MATN2: variants seen among roughly 807,000 people sequenced by gnomAD.
MATN2 encodes matrilin-2.
MATN2 carries 69 observed loss-of-function variants against 103.2 expected under a neutral mutation model. The ratio of observed to expected loss-of-function variants is 0.67; its 90% confidence interval spans 0.55 to 0.82. MATN2 has a LOEUF of 0.82. Among genes scored for constraint, MATN2 ranks in the 40% least tolerant of loss-of-function variants. The pLI is 0.00. For missense variants in MATN2, 1,023 were observed against 1,211.5 expected (o/e 0.84, Z 2.31); for synonymous variants, 429 against 450.2 (o/e 0.95, Z 0.60).
Position 97,928,287 on chromosome 8 carries a change from C to T in MATN2, c.143-2666C>T, listed in dbSNP as rs190538519. On this transcript the variant is annotated intron_variant, in intron 2 of 18. Transcript: ENST00000254898. ...TGTCACCTGGGCTGGAGTGCAGTGG[C>T]GCCATCTCAGCTCACTGCAACCTCC... Among the ~76,000 whole-genome samples the T allele has an allele frequency of 1.0e-3, 146 of 142,566 alleles. 1 individual carries two copies. Among genetic ancestry groups the T allele is most frequent in the Non-Finnish European group, 1.7e-3 (116 of 66,908 alleles). The allele number at this position is 142,566 out of a possible 152,430, so 93.5% of individuals were successfully genotyped here. A position where few individuals can be genotyped will look rare whatever the true frequency, so the allele number is the denominator to read the frequency against.
At chr8:97,882,714 C>T (rs973595878) in intron 1 of MATN2, among the ~76,000 whole-genome samples, 3 of 152,154 alleles carry the variant, frequency 2.0e-5, no homozygotes, top group South Asian at 2.1e-4. Context: ...AGTTTCTTCA[C>T]ATCTTCACCA....
At chr8:97,926,663 A>G (rs892855150) in intron 2 of MATN2, among the ~76,000 whole-genome samples, 6 of 152,232 alleles carry the variant, frequency 3.9e-5, no homozygotes, top group Non-Finnish European at 1.5e-5. Flanking sequence ...CCATGAGTCA[A>G]ACTTCAGAAG....
chr8:97,990,934 G>A (rs937836947), intron 6 of MATN2, among the ~76,000 whole-genome samples: 4 of 152,140 alleles, frequency 2.6e-5, no homozygotes, highest in Admixed American at 6.5e-5. Flanking sequence ...TGATTGTGGC[G>A]ATGGTTTCAT....
chr8:97,912,461 A>G (rs944771597), intron 2 of MATN2, among the ~76,000 whole-genome samples: 2 of 152,236 alleles, frequency 1.3e-5, no homozygotes, highest in Non-Finnish European at 2.9e-5. Context: ...TCGTTGGCTC[A>G]ATAGTTTTCC....
At chr8:97,976,865 G>A (rs751601224) in intron 5 of MATN2, among the ~76,000 whole-genome samples, 24 of 151,962 alleles carry the variant, frequency 1.6e-4, no homozygotes, top group Non-Finnish European at 3.1e-4. Flanking sequence ...GTATTTACCA[G>A]GTGTATTAGT....
chr8:97,907,342 C>T (rs1451465239), intron 2 of MATN2, among the ~76,000 whole-genome samples: 8 of 137,322 alleles, frequency 5.8e-5, no homozygotes, highest in Non-Finnish European at 1.1e-4. Context: ...GATGGAGTCT[C>T]GCTCTTTCCT....
intron 3 of MATN2, among the ~76,000 whole-genome samples, chr8:97,933,517 G>GC (rs71271172): frequency 1.5e-5 from 2 of 137,816 alleles, no homozygotes; most frequent in African/African-American, 2.8e-5. Context: ...GGGACTGACC[G>GC]CCCCCCTCCC....
In MATN2 at chr8:98,005,147, C is replaced by T. The variant is rs1408007672; in HGVS notation, c.1327+1364C>T. On this transcript the variant is annotated intron_variant, in intron 8 of 18. Coordinates refer to ENST00000254898, the MANE Select transcript of MATN2 (RefSeq NM_002380.5). This position sits in a 1 kb window ranked among gnomAD's most constrained non-coding sequence, Gnocchi z 4.6. ...ATGAAATAAGAGGTCCAGGGCAGTC[C>T]TCAGGAAAGCGTGGCTCCTCCAGTG... 6.6e-6 allele frequency among the ~76,000 whole-genome samples: 1 copy of T among 152,214 alleles called. No homozygotes were observed. The highest frequency in any genetic ancestry group is 1.5e-5 in the Non-Finnish European group (1 of 68,044).
chr8:97,923,566 T>TC (rs869166813), intron 2 of MATN2, among the ~76,000 whole-genome samples: 4 of 19,122 alleles, frequency 2.1e-4, no homozygotes, highest in East Asian at 0.038. Context: ...TCTGTCTCTC[T>TC]TTTTTTTGAG....
intron 5 of MATN2, among the ~76,000 whole-genome samples, chr8:97,969,942 A>C (rs1305376550): frequency 6.6e-6 from 1 of 152,242 alleles, no homozygotes; most frequent in African/African-American, 2.4e-5. Flanking sequence ...GAAGTTAAGC[A>C]TGTCCAGCTG....
rs1814051409 is a variant in MATN2, at chr8:98,032,178, G to A, written c.2510-68G>A. On this transcript the variant is annotated intron_variant, in intron 15 of 18. Transcript: ENST00000254898. ...TAGGTAAGGAGGTGGTCTGGGACCA[G>A]CTTCCTGAAGAACACACACATGCCT... The A allele has an allele frequency of 3.0e-6, 4 of 1,322,330 alleles. No individual in the cohort carries two copies. In the South Asian group the frequency reaches 3.9e-5, roughly 13 times the overall value. The allele number at this position is 1,322,330 out of a possible 1,614,324, so 81.9% of individuals were successfully genotyped here. A position where few individuals can be genotyped will look rare whatever the true frequency, so the allele number is the denominator to read the frequency against.
Position 98,018,034 on chromosome 8 carries a change from C to T in MATN2, c.1737C>T (p.His579=). 2 of 1,613,882 alleles carry T rather than the reference C, an allele frequency of 1.2e-6. No individual in the cohort carries two copies. The highest frequency in any genetic ancestry group is 1.1e-5 in the South Asian group (1 of 91,080). ...VCQAIDHGCE[H]ICVNSDDSYT... The stretch of plus-strand genomic sequence containing the variant: ...AAGCTATAGACCATGGCTGTGAACA[C>T]ATTTGTGTGAACAGTGATGACTCAT... Residue 579 remains histidine, a synonymous_variant, in exon 12 of 19, where the codon CAC becomes CAT. Transcript: ENST00000254898.
intron 3 of MATN2, among the ~76,000 whole-genome samples, chr8:97,932,405 G>C (rs1214555128): frequency 6.6e-6 from 1 of 152,146 alleles, no homozygotes; most frequent in Admixed American, 6.5e-5. Context: ...TGTGGTCCTG[G>C]CAGCTCCCCA....
intron 6 of MATN2, 149 bp downstream of exon 6, chr8:97,979,157 C>A: frequency 1.1e-6 from 1 of 873,360 alleles, no homozygotes; most frequent in Non-Finnish European, 1.7e-6. Context: ...TCTGTCAGGA[C>A]TTTCATGACT....
chr8:97,920,461 G>C (rs1339704436), intron 2 of MATN2, among the ~76,000 whole-genome samples: 1 of 152,188 alleles, frequency 6.6e-6, no homozygotes, highest in East Asian at 1.9e-4. Flanking sequence ...GCCCACCTCA[G>C]CCTCCCAAAG....
At chr8:97,894,401 C>T (rs1183842159) in intron 2 of MATN2, among the ~76,000 whole-genome samples, 1 of 134,372 alleles carries the variant, frequency 7.4e-6, no homozygotes, top group African/African-American at 2.8e-5. Flanking sequence ...ACTATCATAG[C>T]TCACTGCAGC....
At chr8:97,956,430 G>T (rs1487535942) in intron 4 of MATN2, among the ~76,000 whole-genome samples, 1 of 152,176 alleles carries the variant, frequency 6.6e-6, no homozygotes, top group Non-Finnish European at 1.5e-5. Flanking sequence ...ACCTGCCTCG[G>T]TCTCCGAAAA....
At chr8:97,904,925 C>T (rs1330736687) in intron 2 of MATN2, among the ~76,000 whole-genome samples, 1 of 152,178 alleles carries the variant, frequency 6.6e-6, no homozygotes, top group Non-Finnish European at 1.5e-5. Context: ...TGCAGTTTAG[C>T]ATTCCCTTCT....
At chr8:97,915,062 C>T (rs1463500464) in intron 2 of MATN2, among the ~76,000 whole-genome samples, 1 of 151,996 alleles carries the variant, frequency 6.6e-6, no homozygotes, top group Non-Finnish European at 1.5e-5. Flanking sequence ...TCATAGCTCA[C>T]GGCAACCTTG....
Sources: gnomAD v4.1 joint callset for allele counts (sites outside exome capture counted in the v4.1 genomes callset) on GRCh38, gnomAD v4.1.1 for gene constraint, Gnocchi (gnomAD v3.1) non-coding constraint, MANE v1.5 for transcripts, NCBI Gene and HGNC (gene_info 2026-07-23, HGNC 2026-07-21) for gene names.